Variants in FANCI observed in about 807,000 individuals in gnomAD.
FANCI encodes the protein Fanconi anemia group I protein.
A neutral mutation model predicts 176.1 loss-of-function variants in FANCI; 156 were observed. The ratio of observed to expected loss-of-function variants is 0.89; its 90% CI spans 0.78 to 1.01. FANCI has a LOEUF of 1.01. FANCI is among the 50% of genes least tolerant of loss of function. FANCI has a pLI of 0.00. For synonymous variants in FANCI, 613 were observed against 541.7 expected, an observed-to-expected ratio of 1.13 and a Z score of -1.83; for missense variants, 1,678 against 1,534.1, an observed-to-expected ratio of 1.09 and a Z score of -1.57.
chr15:89,258,789 A>G lies in FANCI; in HGVS notation c.157+13A>G. On this transcript the variant is annotated intron_variant, in intron 3 of 37. Coordinates refer to ENST00000310775, the MANE Select transcript of FANCI (RefSeq NM_001113378.2). ...GCCATCTTCAAAGGTAATAATAATT[A>G]ATGTCACTTCTGTCTGTCTCCTGCA... The G allele has an allele frequency of 6.3e-7, 1 of 1,588,462 alleles. No individual in the cohort carries two copies. Among genetic ancestry groups the G allele is most frequent in the Non-Finnish European group, 8.6e-7 (1 of 1,156,818 alleles).
At chr15:89,279,945 C>T (rs1407475291) in intron 14 of FANCI, among the ~76,000 whole-genome samples, 2 of 152,160 alleles carry the variant, frequency 1.3e-5, no homozygotes, top group Admixed American at 6.6e-5. Flanking sequence ...TGCATATTAC[C>T]ACACATTAGT....
intron 1 of FANCI, among the ~76,000 whole-genome samples, chr15:89,244,610 C>A (rs1275353361): frequency 6.6e-6 from 1 of 152,060 alleles, no homozygotes; most frequent in East Asian, 1.9e-4. Flanking sequence ...TAAACGTATC[C>A]CCCTCCGAAG....
At chr15:89,261,777 T>C in intron 5 of FANCI, 36 bp downstream of exon 5, 1 of 1,614,184 alleles carries the variant, frequency 6.2e-7, no homozygotes, top group Non-Finnish European at 8.5e-7. Context: ...TTTTTCTCTA[T>C]GCACATAATC....
chr15:89,292,547 A>C (rs1193218574), intron 20 of FANCI, 141 bp from the exon 21 acceptor site: 2 of 860,124 alleles, frequency 2.3e-6, no homozygotes, highest in Admixed American at 2.5e-5. Flanking sequence ...CAGTTTTGTT[A>C]ATTTAGATGG....
At chr15:89,280,525 G>C (rs912583638) in intron 14 of FANCI, among the ~76,000 whole-genome samples, 3 of 151,720 alleles carry the variant, frequency 2.0e-5, no homozygotes, top group Non-Finnish European at 4.4e-5. Flanking sequence ...GGCCTTTCTG[G>C]TGCTTTGTGC....
chr15:89,295,691 A>G (rs2054232823), intron 24 of FANCI, among the ~76,000 whole-genome samples: 1 of 147,512 alleles, frequency 6.8e-6, no homozygotes, highest in African/African-American at 2.5e-5. Context: ...AAGTGCAGTC[A>G]TTGACATAGG....
At chr15:89,275,202 A>G (rs1487703474) in intron 12 of FANCI, among the ~76,000 whole-genome samples, 1 of 151,626 alleles carries the variant, frequency 6.6e-6, no homozygotes, top group African/African-American at 2.4e-5. Flanking sequence ...AGCTGGGACA[A>G]TAATAGGTGC....
intron 10 of FANCI, 53 bp from the exon 11 acceptor site, chr15:89,273,324 A>C: frequency 1.1e-6 from 1 of 928,690 alleles, no homozygotes; most frequent in Non-Finnish European, 1.7e-6. Flanking sequence ...AAAAAAAAAA[A>C]AAGAAAAAAG....
At chr15:89,279,119 T>C (rs1261493499) in intron 14 of FANCI, among the ~76,000 whole-genome samples, 2 of 151,602 alleles carry the variant, frequency 1.3e-5, no homozygotes, top group Non-Finnish European at 2.9e-5. Context: ...TGTTTCTCTC[T>C]GGTAACCTCT....
At chr15:89,300,439 T>C in intron 26 of FANCI, 54 bp downstream of exon 26, 5 of 1,505,252 alleles carry the variant, frequency 3.3e-6, no homozygotes, top group Non-Finnish European at 4.6e-6. Context: ...GCAAAGGAAC[T>C]GTTAGCAGGG....
chr15:89,286,117 C>G (rs764967843), intron 18 of FANCI, among the ~76,000 whole-genome samples: 1 of 152,092 alleles, frequency 6.6e-6, no homozygotes, highest in Non-Finnish European at 1.5e-5. Context: ...CTCAACCTCC[C>G]AAGTACCTGG....
At chr15:89,274,114 G>T in intron 11 of FANCI, 54 bp from the exon 12 acceptor site, 2 of 1,314,196 alleles carry the variant, frequency 1.5e-6, no homozygotes. Flanking sequence ...TCTGTTAGGT[G>T]CTTGATCTTT....
chr15:89,253,896 A>G (rs2052380536), intron 2 of FANCI, among the ~76,000 whole-genome samples: 1 of 134,284 alleles, frequency 7.4e-6, no homozygotes, highest in South Asian at 2.4e-4. Context: ...GCTCAACTTC[A>G]CTCATAATAA....
intron 18 of FANCI, among the ~76,000 whole-genome samples, chr15:89,286,503 C>G (rs1318620947): frequency 2.6e-5 from 4 of 152,158 alleles, no homozygotes; most frequent in Non-Finnish European, 4.4e-5. Context: ...TCCATCAGAG[C>G]TCTTAGATGC....
At chr15:89,305,082 T>TA (rs2054666566) in intron 28 of FANCI, 33 bp from the exon 29 acceptor site, 2 of 1,612,310 alleles carry the variant, frequency 1.2e-6, no homozygotes, top group Middle Eastern at 3.3e-4. Flanking sequence ...GGCCACAACT[T>TA]ACCTTTTAAT....
chr15:89,287,208 C>A (rs1054264945), intron 18 of FANCI, among the ~76,000 whole-genome samples: 1 of 152,066 alleles, frequency 6.6e-6, no homozygotes, highest in South Asian at 2.1e-4. Context: ...CTCTTGACCT[C>A]GTGATCTGCC....
chr15:89,297,800 G>GT (rs1218342891), intron 24 of FANCI, among the ~76,000 whole-genome samples: 1 of 150,288 alleles, frequency 6.7e-6, no homozygotes, highest in Non-Finnish European at 1.5e-5. Flanking sequence ...GGGCTCGTTT[G>GT]TTTTTTTGTT....
intron 34 of FANCI, among the ~76,000 whole-genome samples, chr15:89,309,377 CAA>C (rs879415955): frequency 6.8e-6 from 1 of 147,018 alleles, no homozygotes; most frequent in African/African-American, 2.5e-5. Context: ...AGACAGTCCT[CAA>C]AAAAAAAAGG....
chr15:89,280,891 T>G (rs1226860310), intron 14 of FANCI, among the ~76,000 whole-genome samples: 1 of 152,226 alleles, frequency 6.6e-6, no homozygotes, highest in East Asian at 1.9e-4. Flanking sequence ...TAAGAAGATG[T>G]GTGCTACTAC....
Sources: gnomAD v4.1 joint callset for allele counts (sites outside exome capture counted in the v4.1 genomes callset) on GRCh38, gnomAD v4.1.1 for gene constraint, MANE v1.5 for transcripts, NCBI Gene and HGNC (gene_info 2026-07-23, HGNC 2026-07-21) for gene names.